The following EFCAB13 variants were observed in gnomAD, a reference collection of about 807,000 sequenced individuals.
EFCAB13 encodes the protein EF-hand calcium-binding domain-containing protein 13.
In EFCAB13, 91 loss-of-function variants were observed where a neutral mutation model predicts 110.2. The observed-to-expected ratio is 0.83, with a 90% CI of 0.70 to 0.98. The LOEUF is 0.98. Ranked by LOEUF, EFCAB13 falls within the 50% of genes least tolerant of loss-of-function variation. EFCAB13 has a pLI of 0.00. For synonymous variants in EFCAB13, 323 were observed against 369.9 expected, an observed-to-expected ratio of 0.87 and a Z score of 1.45; for missense variants, 968 against 1,119.4, an observed-to-expected ratio of 0.86 and a Z score of 1.93.
At chr17:47,351,395 G>T (rs1368424055) in intron 9 of EFCAB13, among the ~76,000 whole-genome samples, 1 of 151,514 alleles carries the variant, frequency 6.6e-6, no homozygotes, top group Non-Finnish European at 1.5e-5. Context: ...TGCTATTGTG[G>T]ATTGTGCTGT....
intron 16 of EFCAB13, 64 bp downstream of exon 16, chr17:47,394,163 G>C: frequency 9.4e-7 from 1 of 1,061,476 alleles, no homozygotes; most frequent in Non-Finnish European, 1.3e-6. Flanking sequence ...TTTTAGAAGA[G>C]CGTAAACACT....
chr17:47,380,144 A>G (rs1000377687), intron 14 of EFCAB13, among the ~76,000 whole-genome samples: 1 of 152,198 alleles, frequency 6.6e-6, no homozygotes, highest in Non-Finnish European at 1.5e-5. Flanking sequence ...GGTTTGTTAC[A>G]TAGGTATACA....
Position 47,441,176 on chromosome 17 carries a change from T to C in EFCAB13, c.*462T>C, listed in dbSNP as rs1445667504. 6.5e-6 allele frequency: 1 copy of C among 152,690 alleles called. No homozygotes were observed. Among genetic ancestry groups the C allele is most frequent in the African/African-American group, 2.4e-5 (1 of 41,460 alleles). 9.5% of individuals were successfully genotyped at this position (152,690 alleles called of 1,614,324 possible). A position where few individuals can be genotyped will look rare whatever the true frequency, so the allele number is the denominator to read the frequency against. The stretch of plus-strand genomic sequence containing the variant: ...GAAGTGGTTTGAGTTTGGCAGTCAT[T>C]GCATGCATATACCTTGAATTTACTT... On this transcript the variant is annotated 3_prime_UTR_variant, in exon 25 of 25. Transcript: ENST00000331493.
At chr17:47,362,499 C>G (rs1022672345) in intron 10 of EFCAB13, among the ~76,000 whole-genome samples, 4 of 152,188 alleles carry the variant, frequency 2.6e-5, no homozygotes, top group Non-Finnish European at 2.9e-5. Context: ...GAAAGGCAGT[C>G]TCCCTTTCCC....
At chr17:47,351,304 T>TGTGTGC (rs1280645583) in intron 9 of EFCAB13, among the ~76,000 whole-genome samples, 1 of 122,980 alleles carries the variant, frequency 8.1e-6, no homozygotes, top group African/African-American at 2.6e-5. Context: ...TGTGTGTGTG[T>TGTGTGC]GCGCGCGCGC....
At chr17:47,423,460 C>A in intron 23 of EFCAB13, 1 of 206,384 alleles carries the variant, frequency 4.8e-6, no homozygotes, top group African/African-American at 2.3e-5. Context: ...GAGTTGGCCA[C>A]CGCGCCTGGC....
intron 15 of EFCAB13, 56 bp from the exon 16 acceptor site, chr17:47,393,969 A>T: frequency 1.0e-6 from 1 of 964,452 alleles, no homozygotes; most frequent in Non-Finnish European, 1.5e-6. Context: ...ATAATTCAAT[A>T]TTTTTCATAA....
chr17:47,440,303 G>A, intron 24 of EFCAB13, 128 bp from the exon 25 acceptor site: 1 of 897,206 alleles, frequency 1.1e-6, no homozygotes, highest in African/African-American at 1.7e-5. Context: ...AGGTAAGGGA[G>A]AAGAAATAGC....
chr17:47,365,899 G>A (rs1309080374), intron 10 of EFCAB13, among the ~76,000 whole-genome samples: 1 of 152,154 alleles, frequency 6.6e-6, no homozygotes, highest in Non-Finnish European at 1.5e-5. Flanking sequence ...ATTGATTTAT[G>A]TTAGTATATG....
At chr17:47,408,284 T>G (rs1310260565) in intron 20 of EFCAB13, among the ~76,000 whole-genome samples, 2 of 152,352 alleles carry the variant, frequency 1.3e-5, no homozygotes, top group African/African-American at 4.8e-5. Context: ...TAGCCTCAGC[T>G]TGGATGTACT....
At chr17:47,344,331 T>A in intron 7 of EFCAB13, 39 bp downstream of exon 7, 11 of 1,596,644 alleles carry the variant, frequency 6.9e-6, no homozygotes, top group Non-Finnish European at 9.4e-6. Context: ...AAATGTTGGG[T>A]TCAGACTTGG....
Position 47,392,353 on chromosome 17 carries a change from C to A in EFCAB13, c.1726+773C>A, listed in dbSNP as rs114625013. 3.6e-3 allele frequency among the ~76,000 whole-genome samples: 547 copies of A among 152,082 alleles called. 1 individual carries two copies. The highest frequency in any genetic ancestry group is 0.012 in the African/African-American group (504 of 41,474). On this transcript the variant is annotated intron_variant, in intron 15 of 24. Transcript: ENST00000331493. ...TATTCAAAGCAATTCTAATAAAACC[C>A]TGACTTTTTTGTAAGCTAATTCTAA...
chr17:47,435,759 T>C (rs1905201662), intron 24 of EFCAB13, among the ~76,000 whole-genome samples: 1 of 152,146 alleles, frequency 6.6e-6, no homozygotes, highest in Non-Finnish European at 1.5e-5. Context: ...ACTTCCTCTT[T>C]ACCAGTTTCG....
intron 10 of EFCAB13, chr17:47,369,496 G>A (rs1023778340): frequency 6.5e-6 from 1 of 152,796 alleles, no homozygotes; most frequent in Non-Finnish European, 1.5e-5. Flanking sequence ...ATGTTGAAAG[G>A]TTTCTATGGT....
At chr17:47,394,174 C>G (rs1013932478) in intron 16 of EFCAB13, 75 bp downstream of exon 16, 1 of 893,784 alleles carries the variant, frequency 1.1e-6, no homozygotes, top group African/African-American at 1.7e-5. Context: ...CGTAAACACT[C>G]TTTTAGTCTC....
chr17:47,370,381 G>A, intron 10 of EFCAB13, 56 bp from the exon 11 acceptor site: 1 of 1,152,062 alleles, frequency 8.7e-7, no homozygotes. Flanking sequence ...AGAATAGGAT[G>A]GCAGATATAT....
chr17:47,395,994 C>T lies in EFCAB13; in HGVS notation c.1945+17C>T. ...CAGTTGATGGTGAGTGTTACAAATACTAAAATTAAAAAGTATACCAAGATA... is the reference window on the plus strand; with the variant it reads ...CAGTTGATGGTGAGTGTTACAAATATTAAAATTAAAAAGTATACCAAGATA... On this transcript the variant is annotated intron_variant, in intron 17 of 24. Transcript: ENST00000331493. The T allele has an allele frequency of 6.4e-7, 1 of 1,573,210 alleles. No homozygotes were observed. The highest frequency in any genetic ancestry group is 8.6e-7 in the Non-Finnish European group (1 of 1,157,490).
At chr17:47,395,448 G>A (rs1432628440) in intron 16 of EFCAB13, among the ~76,000 whole-genome samples, 1 of 152,160 alleles carries the variant, frequency 6.6e-6, no homozygotes, top group Non-Finnish European at 1.5e-5. Flanking sequence ...GTCTACAGTG[G>A]TAGATTGAAG....
chr17:47,403,786 C>A, intron 18 of EFCAB13, 92 bp from the exon 19 acceptor site: 2 of 1,193,926 alleles, frequency 1.7e-6, no homozygotes, highest in South Asian at 1.9e-5. Context: ...TTCCTCAGTT[C>A]AGGATACAAT....
Sources: gnomAD v4.1 joint callset for allele counts (sites outside exome capture counted in the v4.1 genomes callset) on GRCh38, gnomAD v4.1.1 for gene constraint, MANE v1.5 for transcripts, NCBI Gene and HGNC (gene_info 2026-07-23, HGNC 2026-07-21) for gene names.